Variants in FAM220A observed in about 807,000 individuals in gnomAD.
The protein encoded by FAM220A is family with sequence similarity 220 member A, also known as protein FAM220A.
For missense variants in FAM220A, 392 were observed against 321.6 expected (o/e 1.22, Z -1.68); for synonymous variants, 141 against 130.7 (o/e 1.08, Z -0.54).
chr7:6,330,573 T>G lies in FAM220A; in HGVS notation c.582A>C (p.Ala194=). The change falls in exon 2 of 2, where the codon GCA becomes GCC. Residue 194 remains alanine (A), a synonymous_variant. Transcript: ENST00000313324. ...EPACLHSILS[A]TLHVYPEVLL... ...GCACTTCGGGATACACGTGCAGCGT[T>G]GCAGACAGGATGGAGTGCAGGCAAG... 1.2e-6 allele frequency: 2 copies of G among 1,614,210 alleles called. No homozygotes were observed. Among genetic ancestry groups the G allele is most frequent in the Non-Finnish European group, 1.7e-6 (2 of 1,180,030 alleles).
rs1355912156 is a variant in FAM220A at position 6,348,642 on chromosome 7, G to C, written c.-151C>G. The C allele has an allele frequency of 1.8e-5, 9 of 509,556 alleles. No individual in the cohort carries two copies. Among genetic ancestry groups the C allele is most frequent in the Non-Finnish European group, 3.2e-5 (9 of 281,106 alleles). 31.6% of individuals were successfully genotyped at this position (509,556 alleles called of 1,614,324 possible). On this transcript the variant is annotated 5_prime_UTR_variant, in exon 1 of 2. Coordinates refer to ENST00000313324, the MANE Select transcript of FAM220A (RefSeq NM_001037163.2). ...AGGGGAAGTTGATACGCAGCCGCCAGGCCAGGTCGAAGAAGATGAGCAGCG... is the reference window on the plus strand; with the variant it reads ...AGGGGAAGTTGATACGCAGCCGCCACGCCAGGTCGAAGAAGATGAGCAGCG...
At chr7:6,348,440 T>C in intron 1 of FAM220A, 133 bp downstream of exon 1, 1 of 396,496 alleles carries the variant, frequency 2.5e-6, no homozygotes, top group Non-Finnish European at 4.4e-6. Context: ...CAAAGTAGGG[T>C]CGCACGGGAA....
chr7:6,342,538 C>CAA (rs368631534), intron 1 of FAM220A, among the ~76,000 whole-genome samples: 19 of 146,442 alleles, frequency 1.3e-4, no homozygotes, highest in African/African-American at 4.2e-4. Flanking sequence ...GACTCTGTCT[C>CAA]AAAAAAAAAA....
chr7:6,334,353 T>C (rs984438545), intron 1 of FAM220A, among the ~76,000 whole-genome samples: 6 of 151,058 alleles, frequency 4.0e-5, no homozygotes, highest in Non-Finnish European at 7.4e-5. Context: ...CTGAACAACA[T>C]GGTAAAACCC....
intron 1 of FAM220A, among the ~76,000 whole-genome samples, chr7:6,337,526 T>A (rs1469147334): frequency 6.6e-6 from 1 of 151,818 alleles, no homozygotes; most frequent in East Asian, 1.9e-4. Context: ...GGATTTAGCA[T>A]TGTTCAGAAA....
intron 1 of FAM220A, among the ~76,000 whole-genome samples, chr7:6,337,495 T>C (rs1265114437): frequency 6.6e-6 from 1 of 151,794 alleles, no homozygotes; most frequent in Non-Finnish European, 1.5e-5. Flanking sequence ...TTCTAACCAT[T>C]TTTAGTAAGT....
Position 6,330,634 on chromosome 7 carries a change from G to C in FAM220A, c.521C>G (p.Ala174Gly), listed in dbSNP as rs186371761. The change falls in exon 2 of 2, where the codon GCT becomes GGT. Residue 174 changes from alanine to glycine, a missense_variant. Physicochemically the swap from Ala to Gly is moderately conservative, Grantham distance 60. Coordinates refer to ENST00000313324, the MANE Select transcript of FAM220A (RefSeq NM_001037163.2). ...MGSFQDDPPS[A>G]FPKGLGSELE... ...CTCAGAGCCCAGACCCTTGGGAAAA[G>C]CACTTGGTGGGTCATCCTGAAAACT... 2 of 1,614,168 alleles carry C rather than the reference G, an allele frequency of 1.2e-6. No homozygotes were observed. The highest frequency in any genetic ancestry group is 2.7e-5 in the African/African-American group (2 of 75,048).
chr7:6,330,774 C>T lies in FAM220A; in HGVS notation c.381G>A (p.Arg127=), dbSNP rs369305809. Residue 127 remains arginine (R), a synonymous_variant, in exon 2 of 2, where the codon CGG becomes CGA. Coordinates refer to ENST00000313324, the MANE Select transcript of FAM220A (RefSeq NM_001037163.2). ...VSCSGVEALG[R]RDWLGGGPRA... The stretch of plus-strand genomic sequence containing the variant: ...TGGGCCCTCCTCCCAGCCAGTCTCG[C>T]CGCCCCAGAGCTTCAACACCACTGC... 1.9e-6 allele frequency: 3 copies of T among 1,614,036 alleles called. No individual in the cohort carries two copies. The African/African-American group carries it at 4.0e-5, about 22-fold the overall frequency.
At chr7:6,346,534 C>A (rs527293093) in intron 1 of FAM220A, among the ~76,000 whole-genome samples, 1 of 152,118 alleles carries the variant, frequency 6.6e-6, no homozygotes, top group East Asian at 1.9e-4. Context: ...TGCCCGGCCA[C>A]CACGCCCAGC....
At chr7:6,336,842 G>C (rs1394640021) in intron 1 of FAM220A, among the ~76,000 whole-genome samples, 2 of 152,102 alleles carry the variant, frequency 1.3e-5, no homozygotes, top group Non-Finnish European at 2.9e-5. Flanking sequence ...TTTGTGTAGA[G>C]ACAATGTTTT....
At chr7:6,348,495 C>T (rs1781998665) in intron 1 of FAM220A, 78 bp downstream of exon 1, 1 of 410,200 alleles carries the variant, frequency 2.4e-6, no homozygotes, top group Non-Finnish European at 4.3e-6. Flanking sequence ...GCAGTGGCAG[C>T]TGCCGTGGCG....
chr7:6,347,928 G>A (rs930169908), intron 1 of FAM220A, among the ~76,000 whole-genome samples: 3 of 91,192 alleles, frequency 3.3e-5, no homozygotes, highest in Admixed American at 1.1e-4. Context: ...TATTATTATT[G>A]AGATGGAGTT....
intron 1 of FAM220A, among the ~76,000 whole-genome samples, chr7:6,338,872 C>A (rs1046473489): frequency 2.6e-5 from 4 of 152,210 alleles, no homozygotes. Context: ...GAAGACACAG[C>A]TAAAACCAGC....
At chr7:6,341,775 A>C (rs1347684679) in intron 1 of FAM220A, 5 of 151,994 alleles carry the variant, frequency 3.3e-5, no homozygotes, top group Non-Finnish European at 5.9e-5. Flanking sequence ...AGGTGGGTAG[A>C]TCACCTGAGG....
intron 1 of FAM220A, among the ~76,000 whole-genome samples, chr7:6,348,319 C>G (rs1410465572): frequency 6.6e-6 from 1 of 152,032 alleles, no homozygotes; most frequent in Non-Finnish European, 1.5e-5. Flanking sequence ...CCCATGCAGT[C>G]TCGGACCCCA....
intron 1 of FAM220A, among the ~76,000 whole-genome samples, chr7:6,343,647 G>T (rs538530483): frequency 6.6e-6 from 1 of 151,890 alleles, no homozygotes; most frequent in East Asian, 1.9e-4. Context: ...AACTCCAGGA[G>T]ATTAAGGCTT....
Position 6,348,908 on chromosome 7 carries a change from G to C in FAM220A, c.-417C>G, listed in dbSNP as rs1018013184. The stretch of plus-strand genomic sequence containing the variant: ...GGCCGCAGTGGAGCGGAGTCCGCAC[G>C]TCACGCTCGGAGAAGTGCCTCCGCG... On this transcript the variant is annotated 5_prime_UTR_variant, in exon 1 of 2. Coordinates refer to ENST00000313324, the MANE Select transcript of FAM220A (RefSeq NM_001037163.2). 14 of 385,426 alleles carry C rather than the reference G, an allele frequency of 3.6e-5. No individual in the cohort carries two copies. The highest frequency in any genetic ancestry group is 5.9e-5 in the Non-Finnish European group (13 of 218,872). 23.9% of individuals were successfully genotyped at this position (385,426 alleles called of 1,614,324 possible).
intron 1 of FAM220A, among the ~76,000 whole-genome samples, chr7:6,332,091 G>T (rs552198657): frequency 6.8e-6 from 1 of 146,984 alleles, no homozygotes; most frequent in Non-Finnish European, 1.5e-5. Context: ...CAGCCTGGGC[G>T]ACAGCTAGAC....
chr7:6,331,197 G>C lies in FAM220A; in HGVS notation c.-43C>G, dbSNP rs542967267. The C allele has an allele frequency of 3.2e-6, 5 of 1,571,824 alleles. No homozygotes were observed. The highest frequency in any genetic ancestry group is 1.8e-5 in the Admixed American group (1 of 54,652). ...GCGGTGGGCCTGAGGTCACGCCTTC[G>C]TCAGTCTGGGAGGGCCTTCAATGGA... On this transcript the variant is annotated 5_prime_UTR_variant, in exon 2 of 2. Coordinates refer to ENST00000313324, the MANE Select transcript of FAM220A (RefSeq NM_001037163.2).
Sources: allele counts gnomAD v4.1 joint callset (sites outside exome capture counted in the v4.1 genomes callset), GRCh38; gene constraint gnomAD v4.1.1; transcripts MANE v1.5; gene names NCBI Gene and HGNC (gene_info 2026-07-23, HGNC 2026-07-21).